The following NRG1 variants were observed in gnomAD, a reference collection of about 807,000 sequenced individuals.
The protein encoded by NRG1 is pro-neuregulin-1, membrane-bound isoform.
NRG1 carries 18 observed loss-of-function variants against 63.8 expected under a neutral mutation model. The observed-to-expected ratio is 0.28, with a 90% confidence interval of 0.19 to 0.42. The LOEUF (loss-of-function observed/expected upper bound fraction) is 0.42. Among genes scored for constraint, NRG1 ranks in the 10% least tolerant of loss-of-function variants. The pLI, the probability that NRG1 is intolerant of heterozygous loss-of-function variation, is 1.00. For synonymous variants in NRG1, 302 were observed against 301.3 expected (o/e 1.00, Z -0.02); for missense variants, 762 against 814.7 (o/e 0.94, Z 0.79).
intron 1 of NRG1, among the ~76,000 whole-genome samples, chr8:32,186,460 CA>C (rs748750103): frequency 3.0e-3 from 158 of 52,214 alleles, no homozygotes; most frequent in East Asian, 0.013. Context: ...GACTCCGTCT[CA>C]AAAAAAAAAA....
At chr8:32,112,929 A>C (rs1016104082) in intron 1 of NRG1, among the ~76,000 whole-genome samples, 1 of 152,200 alleles carries the variant, frequency 6.6e-6, no homozygotes, top group African/African-American at 2.4e-5. Flanking sequence ...CAATTGGAAT[A>C]ACAATGCTGT....
chr8:31,770,738 C>T (rs1818536861), intron 1 of NRG1, among the ~76,000 whole-genome samples: 1 of 148,874 alleles, frequency 6.7e-6, no homozygotes. Flanking sequence ...ACACGTTGTG[C>T]ACATGTACCC....
chr8:32,317,720 A>G (rs1326125680), intron 1 of NRG1, among the ~76,000 whole-genome samples: 1 of 152,240 alleles, frequency 6.6e-6, no homozygotes, highest in Non-Finnish European at 1.5e-5. Flanking sequence ...TAAAATAGAT[A>G]AAAATATCTC....
intron 1 of NRG1, among the ~76,000 whole-genome samples, chr8:31,786,704 G>A (rs1368544358): frequency 6.6e-6 from 1 of 152,178 alleles, no homozygotes; most frequent in Non-Finnish European, 1.5e-5. Context: ...CCATTTACCA[G>A]TTTATTATAC....
intron 1 of NRG1, among the ~76,000 whole-genome samples, chr8:31,935,190 C>T (rs1489580996): frequency 6.6e-6 from 1 of 151,620 alleles, no homozygotes; most frequent in Non-Finnish European, 1.5e-5. Flanking sequence ...AATCTCAGCT[C>T]ACTGCAACCT....
intron 1 of NRG1, among the ~76,000 whole-genome samples, chr8:32,148,674 G>T (rs1221308136): frequency 3.9e-5 from 6 of 152,220 alleles, no homozygotes; most frequent in African/African-American, 7.2e-5. Flanking sequence ...TAATAGATGT[G>T]TTTAAATATT....
intron 1 of NRG1, among the ~76,000 whole-genome samples, chr8:31,676,839 T>C (rs1807753792): frequency 6.6e-6 from 1 of 152,206 alleles, no homozygotes; most frequent in African/African-American, 2.4e-5. Context: ...ACTTGTGGAA[T>C]AAAATATGAA....
At chr8:31,665,374 T>C (rs950166410) in intron 1 of NRG1, among the ~76,000 whole-genome samples, 2 of 152,146 alleles carry the variant, frequency 1.3e-5, no homozygotes, top group Admixed American at 6.6e-5. Context: ...AGAAAGCAAG[T>C]ATTTTGCACC....
chr8:31,664,134 C>A (rs1265030808), intron 1 of NRG1, among the ~76,000 whole-genome samples: 1 of 152,136 alleles, frequency 6.6e-6, no homozygotes, highest in Non-Finnish European at 1.5e-5. Flanking sequence ...TTTCCACCAA[C>A]CACATACCCT....
chr8:32,312,156 T>TG (rs1856878430), intron 1 of NRG1, among the ~76,000 whole-genome samples: 1 of 125,762 alleles, frequency 8.0e-6, no homozygotes, highest in Non-Finnish European at 1.7e-5. Flanking sequence ...TGACCTTGTT[T>TG]GTTTTTTTTT....
chr8:31,884,175 C>G (rs1196128171), intron 1 of NRG1, among the ~76,000 whole-genome samples: 1 of 151,980 alleles, frequency 6.6e-6, no homozygotes, highest in Non-Finnish European at 1.5e-5. Flanking sequence ...TGCTTTTTGG[C>G]AAATTTCAAG....
At position 32,742,025 on chromosome 8, in the gene NRG1, C is replaced by G. The variant is rs1826431260; in HGVS notation, c.633-650C>G. On this transcript the variant is annotated intron_variant, in intron 6 of 11. Transcript: ENST00000356819. This position sits in a 1 kb window ranked among gnomAD's most constrained non-coding sequence, Gnocchi z 4.2. ...CCCTCTAGGTGCCAACCTGGATTCA[C>G]TGGAGCAAGATGTACTGAGAATGTG... The G allele has an allele frequency of 1.2e-6, 2 of 1,613,350 alleles. No homozygotes were observed. The highest frequency in any genetic ancestry group is 8.5e-7 in the Non-Finnish European group (1 of 1,179,670).
At chr8:32,025,403 C>T (rs536115672) in intron 1 of NRG1, among the ~76,000 whole-genome samples, 3 of 151,982 alleles carry the variant, frequency 2.0e-5, no homozygotes, top group African/African-American at 7.3e-5. Context: ...GATGGATGAA[C>T]TGATGGATAG....
In NRG1 at chr8:31,883,244, A is replaced by G. The variant is rs537795594; in HGVS notation, c.37+243813A>G. Among the ~76,000 whole-genome samples the G allele has an allele frequency of 1.1e-4, 17 of 152,310 alleles. No individual in the cohort carries two copies. In the South Asian group the frequency reaches 3.5e-3, roughly 32 times the overall value. On this transcript the variant is annotated intron_variant, in intron 1 of 10. Coordinates refer to the NRG1 transcript ENST00000519301. The stretch of plus-strand genomic sequence containing the variant: ...AAAGATTATGACTTTCTGAAGATTC[A>G]GATGATCATTAGCATTTTTAGCAAT...
intron 6 of NRG1, among the ~76,000 whole-genome samples, chr8:32,729,735 G>A (rs1823162149): frequency 1.3e-5 from 2 of 152,134 alleles, no homozygotes; most frequent in African/African-American, 2.4e-5. Context: ...GTAAGGAAGT[G>A]CATCTTAAAA....
chr8:32,287,806 T>C (rs1196115000), intron 1 of NRG1, among the ~76,000 whole-genome samples: 1 of 152,218 alleles, frequency 6.6e-6, no homozygotes, highest in Non-Finnish European at 1.5e-5. Flanking sequence ...ATTCCTTTTA[T>C]GTGTTGCTTA....
At chr8:31,961,382 G>T (rs751657961) in intron 1 of NRG1, among the ~76,000 whole-genome samples, 6 of 152,036 alleles carry the variant, frequency 3.9e-5, no homozygotes, top group Non-Finnish European at 7.4e-5. Context: ...GCAGAAAGTT[G>T]GTTCAAGTGA....
chr8:32,474,581 C>G (rs1563513872), intron 1 of NRG1, among the ~76,000 whole-genome samples: 1 of 151,706 alleles, frequency 6.6e-6, no homozygotes. Context: ...CAACCTCCGC[C>G]TCCCAGGTTC....
At position 31,740,919 on chromosome 8, in the gene NRG1, G is replaced by T. The variant is rs186066923; in HGVS notation, c.37+101488G>T. Among the ~76,000 whole-genome samples the T allele has an allele frequency of 3.3e-5, 5 of 152,116 alleles. No individual in the cohort carries two copies. In the East Asian group the frequency reaches 9.7e-4, roughly 29 times the overall value. On this transcript the variant is annotated intron_variant, in intron 1 of 10. Transcript: ENST00000519301. ...TTTTACCAAAAAGATACATGCACTT[G>T]CATGTTCATCACAGCACTATTCACA... is the stretch of plus-strand genomic sequence containing the variant.
Sources: gnomAD v4.1 joint callset for allele counts (sites outside exome capture counted in the v4.1 genomes callset) on GRCh38, gnomAD v4.1.1 for gene constraint, Gnocchi (gnomAD v3.1) non-coding constraint, MANE v1.5 for transcripts, NCBI Gene and HGNC (gene_info 2026-07-23, HGNC 2026-07-21) for gene names.